Variants in IGFN1 observed in about 807,000 individuals in gnomAD.
IGFN1 encodes the protein immunoglobulin like and fibronectin type III domain containing 1.
A neutral mutation model predicts 289.5 loss-of-function variants in IGFN1; 253 were observed. The observed-to-expected ratio is 0.87, with a 90% CI of 0.79 to 0.97. The LOEUF is 0.97. Among genes scored for constraint, IGFN1 ranks in the 50% least tolerant of loss-of-function variants. IGFN1 has a pLI of 0.00. For synonymous variants in IGFN1, 1,706 were observed against 1,788.5 expected (o/e 0.95, Z 1.16); for missense variants, 4,470 against 4,686.1 (o/e 0.95, Z 1.35).
In IGFN1 at chr1:201,225,965, C is replaced by G; in HGVS notation, c.10628C>G (p.Pro3543Arg). ...TTCACACGCTCCTCAGCGCACGGTC[C>G]CTGGCACGAGGCAGCCGACCGCATC... ...AVFTRSSAHG[P>R]WHEAADRIHT... Residue 3543 changes from proline (P) to arginine (R), a missense_variant, in exon 22 of 24, where the codon CCC (proline) becomes CGC (arginine). Physicochemically the swap from Pro to Arg is moderately radical, Grantham distance 103. Around this residue, in one of 8 missense-constraint regions of IGFN1, gnomAD observed 2,218 missense variants for 2,114.1 expected, o/e 1.05. Transcript: ENST00000335211. The G allele has an allele frequency of 6.3e-7, 1 of 1,581,448 alleles. No homozygotes were observed. Among genetic ancestry groups the G allele is most frequent in the Non-Finnish European group, 8.6e-7 (1 of 1,161,744 alleles).
rs1667914073 is a variant in IGFN1 at position 201,213,146 on chromosome 1, A to G, written c.8253A>G (p.Arg2751=). The change falls in exon 12 of 24, where the codon AGA becomes AGG. Residue 2751 remains arginine (R), a synonymous_variant. Transcript: ENST00000335211. ...LDGPFGRKAS[R]DRSGGTQDLS... is the part of the protein sequence containing the mutation. Reference sequence around the variant, plus strand: ...GTCCCTTTGGCAGAAAAGCCTCTAGAGATAGGTCAGGAGGGACCCAGGACC... The same window carrying G: ...GTCCCTTTGGCAGAAAAGCCTCTAGGGATAGGTCAGGAGGGACCCAGGACC... 8 of 1,551,496 alleles carry G rather than the reference A, an allele frequency of 5.2e-6. No individual in the cohort carries two copies. The highest frequency in any genetic ancestry group is 6.1e-6 in the Non-Finnish European group (7 of 1,146,982).
Position 201,228,685 on chromosome 1 carries a change from G to A in IGFN1, c.*286G>A, listed in dbSNP as rs1414005812. On this transcript the variant is annotated 3_prime_UTR_variant, in exon 24 of 24. Coordinates refer to ENST00000335211, the MANE Select transcript of IGFN1 (RefSeq NM_001164586.2). ...TGGGTTTCTTTCTTCTTCGCTTCAG[G>A]AGATCCAGAGGGCACCTGCCTGCAG... The A allele has an allele frequency of 3.9e-5, 19 of 486,944 alleles. 1 individual carries two copies. Among genetic ancestry groups the A allele is most frequent in the East Asian group, 1.9e-4 (5 of 26,702 alleles). The allele number at this position is 486,944 out of a possible 1,614,324, so 30.2% of individuals were successfully genotyped here. A position where few individuals can be genotyped will look rare whatever the true frequency, so the allele number is the denominator to read the frequency against.
At chr1:201,196,471 A>G (rs906665308) in intron 4 of IGFN1, among the ~76,000 whole-genome samples, 12 of 152,276 alleles carry the variant, frequency 7.9e-5, no homozygotes, top group Admixed American at 7.8e-4. Flanking sequence ...CAGCCTCCCA[A>G]GTAGCTGAGA....
At chr1:201,223,107 A>C in intron 20 of IGFN1, 2 of 275,380 alleles carry the variant, frequency 7.3e-6, no homozygotes, top group East Asian at 6.8e-5. Context: ...CCTCCAAACT[A>C]AGGCTCTTCG....
Position 201,226,095 on chromosome 1 carries a change from C to G in IGFN1, c.10758C>G (p.Ser3586Arg). ...GGGCCAGCAAACCCTCGGACACCAG[C>G]CAGCCCTGGTGCATCCCCCGGCAGC... Reference protein sequence around the residue: ...ELGASKPSDTSQPWCIPRQRD... With the variant: ...ELGASKPSDTRQPWCIPRQRD... Residue 3586 changes from serine (S) to arginine (R), a missense_variant, in exon 22 of 24, where the codon AGC becomes AGG. Physicochemically the swap from Ser to Arg is moderately radical, Grantham distance 110. Around this residue, in one of 8 missense-constraint regions of IGFN1, gnomAD observed 2,218 missense variants for 2,114.1 expected, o/e 1.05. Transcript: ENST00000335211. 6.2e-7 allele frequency: 1 copy of G among 1,603,184 alleles called. No homozygotes were observed. Among genetic ancestry groups the G allele is most frequent in the Non-Finnish European group, 8.5e-7 (1 of 1,173,416 alleles).
In IGFN1 at chr1:201,205,299, C is replaced by T; in HGVS notation, c.1134C>T (p.Gly378=). 1 of 1,502,662 alleles carries T rather than the reference C, an allele frequency of 6.7e-7. No individual in the cohort carries two copies. Among genetic ancestry groups the T allele is most frequent in the Non-Finnish European group, 8.9e-7 (1 of 1,123,182 alleles). The allele number at this position is 1,502,662 out of a possible 1,614,324, so 93.1% of individuals were successfully genotyped here. A position where few individuals can be genotyped will look rare whatever the true frequency, so the allele number is the denominator to read the frequency against. ...VVRGARFSDM[G]PYSLGTGLYT... Reference sequence around the variant, plus strand: ...GGGGGGCACGTTTCTCAGACATGGGCCCCTATTCGCTGGGCACCGGGCTCT... The same window carrying T: ...GGGGGGCACGTTTCTCAGACATGGGTCCCTATTCGCTGGGCACCGGGCTCT... The change falls in exon 11 of 24, where the codon GGC becomes GGT. Residue 378 remains glycine, a synonymous_variant. Transcript: ENST00000335211.
rs1163818155 is a variant in IGFN1, at chr1:201,205,189, C to T, written c.1024C>T (p.His342Tyr). The stretch of plus-strand genomic sequence containing the variant: ...CAGCCCCTGCCCTAGTGCAGCCTGG[C>T]ATTTCCGGCACCGGCTACTCCACCC... ...LSSPCPSAAWHFRHRLLHPSD... is the reference protein window; with the variant it reads ...LSSPCPSAAWYFRHRLLHPSD... Residue 342 changes from histidine to tyrosine, a missense_variant, in exon 11 of 24, where the codon CAT becomes TAT. His to Tyr is a moderately conservative substitution (Grantham distance 83, BLOSUM62 2). Around this residue, in one of 8 missense-constraint regions of IGFN1, gnomAD observed 2,011 missense variants for 1,953.4 expected, o/e 1.03. Transcript: ENST00000335211. The T allele has an allele frequency of 6.4e-7, 1 of 1,551,348 alleles. No individual in the cohort carries two copies. Among genetic ancestry groups the T allele is most frequent in the Admixed American group, 2.0e-5 (1 of 51,012 alleles).
rs1455469104 is a variant in IGFN1 at position 201,207,698 on chromosome 1, C to A, written c.2805C>A (p.Pro935=). Residue 935 remains proline, a synonymous_variant, in exon 12 of 24, where the codon CCC becomes CCA. Transcript: ENST00000335211. ...NGSGSSRVKG[P]RGETGYKDGL... ...CAGGGAGCTCCAGAGTAAAAGGACC[C>A]AGAGGTGAGACAGGCTATAAGGATG... 1 of 1,537,020 alleles carries A rather than the reference C, an allele frequency of 6.5e-7. No individual in the cohort carries two copies. The highest frequency in any genetic ancestry group is 1.2e-5 in the South Asian group (1 of 84,042).
rs140693174 is a variant in IGFN1, at chr1:201,215,101, G to A, written c.8942G>A (p.Arg2981Lys). The A allele has an allele frequency of 1.2e-6, 2 of 1,614,082 alleles. No homozygotes were observed. Among genetic ancestry groups the A allele is most frequent in the Non-Finnish European group, 1.7e-6 (2 of 1,180,024 alleles). The change falls in exon 14 of 24, where the codon AGG (arginine) becomes AAG (lysine). Residue 2981 changes from arginine to lysine, a missense_variant. Around this residue, in one of 8 missense-constraint regions of IGFN1, gnomAD observed 2,218 missense variants for 2,114.1 expected, o/e 1.05. Coordinates refer to ENST00000335211, the MANE Select transcript of IGFN1 (RefSeq NM_001164586.2). ...CATGTGCAGGGGACCCAAGCTGGGA[G>A]GTACACCTTTGTAGCTGGTGACCAG... ...ITHVQGTQAG[R>K]YTFVAGDQQS...
At chr1:201,216,070 T>C in intron 15 of IGFN1, 1 of 711,222 alleles carries the variant, frequency 1.4e-6, no homozygotes, top group Admixed American at 2.0e-5. Flanking sequence ...TATGCTTCTC[T>C]GACCCCAATA....
chr1:201,222,961 C>G lies in IGFN1; in HGVS notation c.10290+134C>G. The G allele has an allele frequency of 7.2e-6, 4 of 552,314 alleles. No individual in the cohort carries two copies. In the South Asian group the frequency reaches 9.8e-5, roughly 14 times the overall value. 34.2% of individuals were successfully genotyped at this position (552,314 alleles called of 1,614,324 possible). On this transcript the variant is annotated intron_variant, in intron 20 of 23. Coordinates refer to ENST00000335211, the MANE Select transcript of IGFN1 (RefSeq NM_001164586.2). ...GTGCTTGTGGAAATCACTGACTGGG[C>G]TTGTGGAAATCAGGTGAGAGACATG...
chr1:201,207,467 G>T lies in IGFN1; in HGVS notation c.2574G>T (p.Val858=), dbSNP rs1416641425. Residue 858 remains valine, a synonymous_variant, in exon 12 of 24, where the codon GTG becomes GTT. Transcript: ENST00000335211. ...RKTGAHHGPG[V]LGPSGGQEGM... is the part of the protein sequence containing the mutation. ...CTGGGGCCCACCATGGGCCTGGAGT[G>T]CTGGGGCCCAGTGGAGGACAAGAGG... is the stretch of plus-strand genomic sequence containing the variant. 2.6e-6 allele frequency: 4 copies of T among 1,531,010 alleles called. No individual in the cohort carries two copies. The highest frequency in any genetic ancestry group is 4.0e-5 in the Admixed American group (2 of 50,290). 94.8% of individuals were successfully genotyped at this position (1,531,010 alleles called of 1,614,324 possible). A position where few individuals can be genotyped will look rare whatever the true frequency, so the allele number is the denominator to read the frequency against.
At chr1:201,203,000 C>A (rs1039562392) in intron 9 of IGFN1, among the ~76,000 whole-genome samples, 2 of 152,142 alleles carry the variant, frequency 1.3e-5, no homozygotes, top group African/African-American at 4.8e-5. Flanking sequence ...AAGTGATTCA[C>A]CCGCCTCAGG....
In IGFN1 at chr1:201,220,182, TTCTCTC is replaced by T. The variant is rs3057870; in HGVS notation, c.9899-1246_9899-1241del. Among the ~76,000 whole-genome samples the T allele has an allele frequency of 1.5e-3, 210 of 141,932 alleles. 2 individuals are homozygous for T. Among genetic ancestry groups the T allele is most frequent in the African/African-American group, 5.4e-3 (201 of 37,484 alleles). 93.1% of individuals were successfully genotyped at this position (141,932 alleles called of 152,430 possible). On this transcript the variant is annotated intron_variant, in intron 18 of 23. Transcript: ENST00000335211. ...CCCTCTCTTCTTTCTATCCCTTTCT[TTCTCTC>T]TCTCTCTCTCTCTCTAACAGGGTCC...
chr1:201,222,879 G>A (rs932634341), intron 20 of IGFN1, 52 bp downstream of exon 20: 8 of 1,268,522 alleles, frequency 6.3e-6, no homozygotes, highest in Non-Finnish European at 9.1e-6. Flanking sequence ...GGCCAAGGGG[G>A]CCAGACTCAG....
intron 8 of IGFN1, 38 bp downstream of exon 8, chr1:201,200,449 C>T: frequency 1.3e-6 from 2 of 1,499,202 alleles, no homozygotes; most frequent in Non-Finnish European, 1.8e-6. Flanking sequence ...TCCATGCCCA[C>T]CCCACACACC....
chr1:201,206,375 A>T lies in IGFN1; in HGVS notation c.1482A>T (p.Val494=). ...GACAGGAGGGCGAGGGCTTTCCAGT[A>T]GCAGAGGGAAGCAGAGCCACTCTTC... ...GPGQEGEGFP[V]AEGSRATLPR... Residue 494 remains valine (V), a synonymous_variant, in exon 12 of 24, where the codon GTA becomes GTT. Transcript: ENST00000335211. 1 of 1,550,592 alleles carries T rather than the reference A, an allele frequency of 6.4e-7. No homozygotes were observed. Among genetic ancestry groups the T allele is most frequent in the East Asian group, 2.4e-5 (1 of 40,922 alleles).
intron 3 of IGFN1, 138 bp from the exon 4 acceptor site, chr1:201,195,701 C>T (rs1666888063): frequency 3.2e-6 from 3 of 926,838 alleles, no homozygotes; most frequent in Admixed American, 2.9e-5. Context: ...GTCAAGGGGA[C>T]CAAGGCCTGG....
chr1:201,224,466 C>T (rs542930499), intron 20 of IGFN1, among the ~76,000 whole-genome samples: 14 of 152,162 alleles, frequency 9.2e-5, no homozygotes, highest in Middle Eastern at 3.4e-3. Context: ...CTTGTTCTAC[C>T]GCCCCCCTAC....
Sources: gnomAD v4.1 joint callset for allele counts (sites outside exome capture counted in the v4.1 genomes callset) on GRCh38, gnomAD v4.1.1 for gene constraint, gnomAD v4.1.1 regional missense constraint, MANE v1.5 for transcripts, NCBI Gene and HGNC (gene_info 2026-07-23, HGNC 2026-07-21) for gene names.